GRID2: variants seen among roughly 807,000 people sequenced by gnomAD.
The protein encoded by GRID2 is glutamate receptor ionotropic, delta-2.
In GRID2, 33 loss-of-function variants were observed where a neutral mutation model predicts 114.8. The ratio of observed to expected loss-of-function variants is 0.29; its 90% CI spans 0.22 to 0.38. The LOEUF is 0.38. GRID2 is among the 10% of genes least tolerant of loss of function. GRID2 has a pLI of 1.00. For missense variants in GRID2, 1,184 were observed against 1,257.7 expected (o/e 0.94, Z 0.89); for synonymous variants, 505 against 449.9 (o/e 1.12, Z -1.55).
At chr4:92,585,073 ATAAT>A (rs1356780063) in intron 1 of GRID2, among the ~76,000 whole-genome samples, 4 of 152,040 alleles carry the variant, frequency 2.6e-5, no homozygotes, top group African/African-American at 9.7e-5. Context: ...TGGCCACTAA[ATAAT>A]TTGTTAAAGA....
intron 14 of GRID2, among the ~76,000 whole-genome samples, chr4:93,645,223 A>G (rs1351705045): frequency 6.6e-6 from 1 of 152,170 alleles, no homozygotes; most frequent in Non-Finnish European, 1.5e-5. Context: ...TCATTTTGAA[A>G]TCTTTAGCCT....
chr4:93,172,882 T>G (rs917393359), intron 4 of GRID2, among the ~76,000 whole-genome samples: 1 of 152,054 alleles, frequency 6.6e-6, no homozygotes, highest in African/African-American at 2.4e-5. Flanking sequence ...AATATTTGAA[T>G]TGCATCTTTA....
At chr4:92,678,764 C>T (rs185283845) in intron 2 of GRID2, among the ~76,000 whole-genome samples, 9 of 151,810 alleles carry the variant, frequency 5.9e-5, no homozygotes, top group East Asian at 1.9e-4. Context: ...TGCTATGTAT[C>T]GGATACTCTC....
At chr4:93,755,955 T>C (rs1178284001) in intron 14 of GRID2, among the ~76,000 whole-genome samples, 2 of 152,208 alleles carry the variant, frequency 1.3e-5, no homozygotes, top group African/African-American at 4.8e-5. Context: ...AATGAAAGCT[T>C]GTATATGAAG....
intron 2 of GRID2, among the ~76,000 whole-genome samples, chr4:92,752,854 T>C (rs1323488530): frequency 1.3e-5 from 2 of 152,174 alleles, no homozygotes; most frequent in Admixed American, 1.3e-4. Context: ...GTTGCAGAAA[T>C]TGGAACAAGT....
At chr4:92,918,184 T>C (rs1748978836) in intron 2 of GRID2, among the ~76,000 whole-genome samples, 1 of 152,120 alleles carries the variant, frequency 6.6e-6, no homozygotes, top group East Asian at 1.9e-4. Flanking sequence ...ATGATTGTTA[T>C]TTTTGCACAT....
chr4:93,759,657 G>A (rs1297903215), intron 14 of GRID2, among the ~76,000 whole-genome samples: 1 of 152,114 alleles, frequency 6.6e-6, no homozygotes, highest in Admixed American at 6.6e-5. Context: ...ACACTTCCTT[G>A]TTCTGATAAC....
At chr4:92,478,842 C>T (rs189307505) in intron 1 of GRID2, among the ~76,000 whole-genome samples, 9 of 152,212 alleles carry the variant, frequency 5.9e-5, no homozygotes, top group Non-Finnish European at 1.3e-4. Flanking sequence ...CCACATCTCC[C>T]TATCTGAAAT....
At chr4:92,909,944 T>A (rs1296453081) in intron 2 of GRID2, among the ~76,000 whole-genome samples, 4 of 152,134 alleles carry the variant, frequency 2.6e-5, no homozygotes, top group African/African-American at 9.7e-5. Context: ...TTACTTTACC[T>A]AGGAGAAATT....
intron 2 of GRID2, among the ~76,000 whole-genome samples, chr4:92,744,272 G>T (rs192504754): frequency 6.6e-6 from 1 of 152,212 alleles, no homozygotes; most frequent in East Asian, 1.9e-4. Flanking sequence ...GGCAGATCAT[G>T]AGGTCAAGAG....
At chr4:92,878,870 T>C (rs1745806276) in intron 2 of GRID2, among the ~76,000 whole-genome samples, 1 of 152,104 alleles carries the variant, frequency 6.6e-6, no homozygotes, top group African/African-American at 2.4e-5. Context: ...CAAATGAGGA[T>C]GAAATCATGT....
chr4:93,422,231 T>C (rs953846556), intron 9 of GRID2, among the ~76,000 whole-genome samples: 1 of 152,206 alleles, frequency 6.6e-6, no homozygotes, highest in Admixed American at 6.5e-5. Context: ...AAGCTATTTT[T>C]CCAATGAAAT....
rs1482492805 is a variant in GRID2, at chr4:93,501,994, TCCACCACAA to T, written c.1997+11218_1997+11226del. 1.2e-3 allele frequency among the ~76,000 whole-genome samples: 184 copies of T among 152,180 alleles called. 2 individuals carry two copies. Among genetic ancestry groups the T allele is most frequent in the Non-Finnish European group, 2.5e-4 (17 of 68,000 alleles). On this transcript the variant is annotated intron_variant, in intron 12 of 15. Coordinates refer to ENST00000282020, the MANE Select transcript of GRID2 (RefSeq NM_001510.4). ...AAGTCTGCTGGATAAATAAATTCTA[TCCACCACAA>T]ACTTATAGATATGGTTAAAAAAAGA...
intron 2 of GRID2, among the ~76,000 whole-genome samples, chr4:92,944,105 A>T (rs184457779): frequency 1.3e-5 from 2 of 152,124 alleles, no homozygotes; most frequent in Non-Finnish European, 2.9e-5. Context: ...ACTCTCTTCA[A>T]AGCTGTCAGA....
At chr4:92,806,729 T>C (rs964262804) in intron 2 of GRID2, among the ~76,000 whole-genome samples, 1 of 152,004 alleles carries the variant, frequency 6.6e-6, no homozygotes, top group African/African-American at 2.4e-5. Flanking sequence ...TAATAGTATT[T>C]TGATGGAACT....
chr4:93,105,823 A>C (rs942452527), intron 3 of GRID2, among the ~76,000 whole-genome samples: 1 of 152,180 alleles, frequency 6.6e-6, no homozygotes, highest in African/African-American at 2.4e-5. Context: ...TGATTACACT[A>C]GAGCCACCCA....
intron 1 of GRID2, among the ~76,000 whole-genome samples, chr4:92,456,367 T>C (rs938526952): frequency 1.3e-5 from 2 of 152,118 alleles, no homozygotes; most frequent in Admixed American, 1.3e-4. Flanking sequence ...TAACAGCCAA[T>C]TCTGCACGGA....
chr4:92,608,151 C>T (rs557961184), intron 2 of GRID2, among the ~76,000 whole-genome samples: 1 of 151,878 alleles, frequency 6.6e-6, no homozygotes, highest in Middle Eastern at 3.4e-3. Context: ...ATGTAAACAT[C>T]ATGCTGCAAG....
At chr4:93,422,646 C>T in intron 9 of GRID2, 125 bp from the exon 10 acceptor site, 1 of 629,706 alleles carries the variant, frequency 1.6e-6, no homozygotes, top group South Asian at 2.0e-5. Context: ...AAGTTATATT[C>T]CTGAGTTGAT....
Sources: gnomAD v4.1 joint callset for allele counts (sites outside exome capture counted in the v4.1 genomes callset) on GRCh38, gnomAD v4.1.1 for gene constraint, MANE v1.5 for transcripts, NCBI Gene and HGNC (gene_info 2026-07-23, HGNC 2026-07-21) for gene names.